CDC14A: variants seen among roughly 807,000 people sequenced by gnomAD.
CDC14A encodes dual specificity protein phosphatase CDC14A.
In CDC14A, 53 loss-of-function variants were observed where a neutral mutation model predicts 74.4. That is an observed-to-expected ratio of 0.71 (90% CI 0.57 to 0.89). The LOEUF (loss-of-function observed/expected upper bound fraction) is 0.89, where lower values mean the gene tolerates loss of function less well. Among genes scored for constraint, CDC14A ranks in the 40% least tolerant of loss-of-function variants. The pLI is 0.00. For synonymous variants in CDC14A, 247 were observed against 258.4 expected (o/e 0.96, Z 0.43); for missense variants, 646 against 713.7 (o/e 0.91, Z 1.08).
At chr1:100,468,877 A>AT (rs754522016) in intron 10 of CDC14A, among the ~76,000 whole-genome samples, 23 of 150,220 alleles carry the variant, frequency 1.5e-4, no homozygotes, top group South Asian at 8.5e-4. Context: ...CTGAAATTTC[A>AT]TTTTTTTTTC....
intron 11 of CDC14A, chr1:100,486,139 A>G (rs1213949363): frequency 6.6e-6 from 1 of 152,198 alleles, no homozygotes; most frequent in Admixed American, 6.5e-5. Context: ...GTACAAGTAA[A>G]TAGGGCTTTG....
At chr1:100,372,069 A>T (rs992550611) in intron 2 of CDC14A, among the ~76,000 whole-genome samples, 1 of 152,246 alleles carries the variant, frequency 6.6e-6, no homozygotes, top group African/African-American at 2.4e-5. Flanking sequence ...TGTTTATACT[A>T]TACTGTGGTC....
chr1:100,436,965 C>T (rs773368112), intron 5 of CDC14A, among the ~76,000 whole-genome samples: 2 of 152,144 alleles, frequency 1.3e-5, no homozygotes, highest in Non-Finnish European at 2.9e-5. Flanking sequence ...GTGGGTGTAT[C>T]ACTTCAGCTC....
chr1:100,469,776 C>T (rs1217292213), intron 10 of CDC14A, among the ~76,000 whole-genome samples: 1 of 152,162 alleles, frequency 6.6e-6, no homozygotes, highest in African/African-American at 2.4e-5. Flanking sequence ...GGTCACCTAG[C>T]TTTCTCAGGG....
chr1:100,460,048 G>A (rs1557783080), intron 8 of CDC14A, among the ~76,000 whole-genome samples: 1 of 152,134 alleles, frequency 6.6e-6, no homozygotes, highest in East Asian at 1.9e-4. Context: ...TTGAAATACT[G>A]GCTCTACCTC....
intron 3 of CDC14A, 136 bp downstream of exon 3, chr1:100,377,757 G>C: frequency 1.6e-6 from 1 of 607,542 alleles, no homozygotes; most frequent in Non-Finnish European, 2.9e-6. Flanking sequence ...AGTTCACCTA[G>C]AGTTTGAAAG....
intron 7 of CDC14A, among the ~76,000 whole-genome samples, chr1:100,448,840 G>GT (rs938582156): frequency 1.3e-5 from 2 of 151,796 alleles, no homozygotes; most frequent in African/African-American, 2.4e-5. Context: ...TTCTTTTTTT[G>GT]TTTTTTAGGA....
At chr1:100,503,010 G>T (rs1182764316) in intron 15 of CDC14A, among the ~76,000 whole-genome samples, 1 of 152,158 alleles carries the variant, frequency 6.6e-6, no homozygotes, top group Admixed American at 6.5e-5. Flanking sequence ...CTCCCTGGAA[G>T]TAAGAAGCAG....
intron 4 of CDC14A, among the ~76,000 whole-genome samples, chr1:100,422,984 G>A (rs1212989289): frequency 1.3e-5 from 2 of 152,128 alleles, no homozygotes; most frequent in African/African-American, 4.8e-5. Flanking sequence ...GGGTTTTGAT[G>A]TTGGGACATA....
chr1:100,400,811 C>T (rs1659156905), intron 4 of CDC14A, among the ~76,000 whole-genome samples: 1 of 152,146 alleles, frequency 6.6e-6, no homozygotes, highest in Non-Finnish European at 1.5e-5. Flanking sequence ...GGAAAATTAG[C>T]TGTTTGCTTT....
chr1:100,418,555 C>T (rs778095758), intron 4 of CDC14A, among the ~76,000 whole-genome samples: 6 of 151,996 alleles, frequency 3.9e-5, no homozygotes, highest in African/African-American at 1.5e-4. Context: ...GCTTTTTGAG[C>T]AGGGTTGAGA....
intron 4 of CDC14A, among the ~76,000 whole-genome samples, chr1:100,421,870 C>T (rs531924575): frequency 6.6e-6 from 1 of 152,316 alleles, no homozygotes; most frequent in South Asian, 2.1e-4. Flanking sequence ...TTTTAATAAG[C>T]AGACATGTCT....
At chr1:100,381,272 G>T (rs553550297) in intron 3 of CDC14A, among the ~76,000 whole-genome samples, 1 of 152,124 alleles carries the variant, frequency 6.6e-6, no homozygotes, top group Non-Finnish European at 1.5e-5. Context: ...TTAACCCTTT[G>T]TTATCTAACT....
At chr1:100,452,011 C>G (rs192029540) in intron 7 of CDC14A, among the ~76,000 whole-genome samples, 1 of 152,128 alleles carries the variant, frequency 6.6e-6, no homozygotes, top group Non-Finnish European at 1.5e-5. Context: ...TGTTGAATTG[C>G]GCTTCAAAAC....
In CDC14A at chr1:100,468,071, AC is replaced by A; in HGVS notation, c.958del (p.Gln320SerfsTer23). ...TATGCCGGCCAGGCTCTATTATAGG[AC>A]CCCAGCAGCACTTCCTGGAAGAGTA... is the stretch of plus-strand genomic sequence containing the variant. ...RICRPGSIIG[P>X]QQHFLEEKQA... On this transcript the variant is annotated frameshift_variant, in exon 10 of 16. Coordinates refer to ENST00000336454, the MANE Select transcript of CDC14A (RefSeq NM_003672.4). LOFTEE classifies it high-confidence loss of function. The A allele has an allele frequency of 6.2e-7, 1 of 1,613,514 alleles. No individual in the cohort carries two copies. The highest frequency in any genetic ancestry group is 8.5e-7 in the Non-Finnish European group (1 of 1,179,804).
chr1:100,347,801 T>C (rs1248802114), upstream of CDC14A, among the ~76,000 whole-genome samples: 1 of 152,236 alleles, frequency 6.6e-6, no homozygotes, highest in African/African-American at 2.4e-5. Context: ...AAAGTATGTA[T>C]TCTATATTTT....
chr1:100,452,484 C>G (rs1356238993), intron 7 of CDC14A, among the ~76,000 whole-genome samples: 2 of 152,098 alleles, frequency 1.3e-5, no homozygotes, highest in African/African-American at 4.8e-5. Context: ...GCACTCCAGC[C>G]TGGGCAACAG....
chr1:100,510,259 G>A (rs1193472279), intron 15 of CDC14A, among the ~76,000 whole-genome samples: 1 of 152,158 alleles, frequency 6.6e-6, no homozygotes, highest in Non-Finnish European at 1.5e-5. Flanking sequence ...TATGTGCCTG[G>A]CATGGTATTA....
At chr1:100,454,296 G>A (rs1476357284) in intron 7 of CDC14A, among the ~76,000 whole-genome samples, 1 of 151,870 alleles carries the variant, frequency 6.6e-6, no homozygotes, top group Admixed American at 6.6e-5. Context: ...GGATGGCCCA[G>A]TGAAGAGAAC....
Sources: gnomAD v4.1 joint callset for allele counts (sites outside exome capture counted in the v4.1 genomes callset) on GRCh38, gnomAD v4.1.1 for gene constraint, MANE v1.5 for transcripts, NCBI Gene and HGNC (gene_info 2026-07-23, HGNC 2026-07-21) for gene names.